LRCH3: variants seen among roughly 807,000 people sequenced by gnomAD.
LRCH3 encodes leucine rich repeats and calponin homology domain containing 3, also known as DISP complex protein LRCH3.
LRCH3 carries 68 observed loss-of-function variants against 104.5 expected under a neutral mutation model. That is an observed-to-expected ratio of 0.65 (90% CI 0.54 to 0.80). The LOEUF is 0.80. Among genes scored for constraint, LRCH3 ranks in the 30% least tolerant of loss-of-function variants. The pLI is 0.00. For synonymous variants in LRCH3, 344 were observed against 361.3 expected (o/e 0.95, Z 0.54); for missense variants, 951 against 953.9 (o/e 1.00, Z 0.04).
intron 1 of LRCH3, among the ~76,000 whole-genome samples, chr3:197,807,510 C>T (rs567984866): frequency 1.3e-5 from 2 of 152,244 alleles, no homozygotes; most frequent in East Asian, 3.9e-4. Context: ...TGTGAGCCAC[C>T]ATGCCCGGCC....
chr3:197,867,632 T>G (rs1219777190), intron 17 of LRCH3, among the ~76,000 whole-genome samples: 1 of 151,616 alleles, frequency 6.6e-6, no homozygotes, highest in Non-Finnish European at 1.5e-5. Flanking sequence ...GGCGGGCAGA[T>G]CACGAGGTCA....
chr3:197,884,690 C>T lies in LRCH3; in HGVS notation c.*1024C>T, dbSNP rs1714063654. On this transcript the variant is annotated 3_prime_UTR_variant, in exon 21 of 21. Transcript: ENST00000425562. ...GTAATGGCCCCCTGCATTTTTCACCCACATTTAAAATCAAAAGCTATATTA... is the reference window on the plus strand; with the variant it reads ...GTAATGGCCCCCTGCATTTTTCACCTACATTTAAAATCAAAAGCTATATTA... The T allele has an allele frequency of 6.6e-6, 1 of 152,230 alleles. No individual in the cohort carries two copies. The highest frequency in any genetic ancestry group is 1.5e-5 in the Non-Finnish European group (1 of 68,044). The allele number at this position is 152,230 out of a possible 1,614,324, so 9.4% of individuals were successfully genotyped here. A position where few individuals can be genotyped will look rare whatever the true frequency, so the allele number is the denominator to read the frequency against.
Position 197,817,286 on chromosome 3 carries a change from G to A in LRCH3, c.518G>A (p.Arg173Lys). 6.5e-7 allele frequency: 1 copy of A among 1,546,260 alleles called. No individual in the cohort carries two copies. The highest frequency in any genetic ancestry group is 1.1e-5 in the South Asian group (1 of 87,170). Residue 173 changes from arginine (R) to lysine (K), a missense_variant, in exon 3 of 21, where the codon AGA (arginine) becomes AAA (lysine). Physicochemically the swap from Arg to Lys is conservative, Grantham distance 26. Coordinates refer to ENST00000425562, the MANE Select transcript of LRCH3 (RefSeq NM_001365715.1). ...VSLPEEIGHL[R>K]HLMELDVSCN... Reference sequence around the variant, plus strand: ...CTTCCAGAAGAAATTGGACACCTTAGACATTTGATGGAACTTGTAAGTTAA... The same window carrying A: ...CTTCCAGAAGAAATTGGACACCTTAAACATTTGATGGAACTTGTAAGTTAA...
chr3:197,875,630 G>T, intron 19 of LRCH3, 68 bp from the exon 20 acceptor site: 2 of 1,207,730 alleles, frequency 1.7e-6, no homozygotes, highest in East Asian at 2.5e-5. Context: ...CTCCAGCCTG[G>T]GTGGCAGTGA....
chr3:197,796,567 AG>A (rs1731231234), intron 1 of LRCH3, among the ~76,000 whole-genome samples: 1 of 152,248 alleles, frequency 6.6e-6, no homozygotes, highest in Non-Finnish European at 1.5e-5. Context: ...TTATAATAGT[AG>A]CTAACATTTA....
chr3:197,887,207 C>CT lies in LRCH3; in HGVS notation c.*3552dup, dbSNP rs967145132. 2.8e-3 allele frequency: 409 copies of CT among 146,954 alleles called. No homozygotes were observed. The highest frequency in any genetic ancestry group is 5.7e-3 in the Admixed American group (84 of 14,700). The allele number at this position is 146,954 out of a possible 1,614,324, so 9.1% of individuals were successfully genotyped here. On this transcript the variant is annotated 3_prime_UTR_variant, in exon 21 of 21. Transcript: ENST00000425562. ...TTTGTATTCAGTATTTTGTATGTAC[C>CT]TTTTTTTTTTTAAATTGGAAAGCAC... is the stretch of plus-strand genomic sequence containing the variant.
rs774492129 is a variant in LRCH3 at position 197,879,521 on chromosome 3, C to T, written c.2208+3746C>T. On this transcript the variant is annotated intron_variant, in intron 20 of 20. Transcript: ENST00000425562. Reference sequence around the variant, plus strand: ...ATTAGCCGGGCGTGGTGGCGGGCGCCTGTAGTCCCAGCTGCTCGGGAGGCT... The same window carrying T: ...ATTAGCCGGGCGTGGTGGCGGGCGCTTGTAGTCCCAGCTGCTCGGGAGGCT... Among the ~76,000 whole-genome samples, 88 of 151,700 alleles carry T rather than the reference C, an allele frequency of 5.8e-4. 3 individuals carry two copies. Among genetic ancestry groups the T allele is most frequent in the Admixed American group, 9.8e-4 (15 of 15,284 alleles).
intron 7 of LRCH3, chr3:197,831,078 C>T (rs576013752): frequency 6.8e-6 from 3 of 438,382 alleles, no homozygotes; most frequent in East Asian, 4.2e-5. Context: ...TCCTCATTGC[C>T]TCATGGAAAT....
intron 8 of LRCH3, among the ~76,000 whole-genome samples, chr3:197,834,984 A>G (rs1415618408): frequency 6.6e-6 from 1 of 152,000 alleles, no homozygotes; most frequent in Non-Finnish European, 1.5e-5. Context: ...TCTCTACTAA[A>G]AATACAAAAG....
intron 15 of LRCH3, among the ~76,000 whole-genome samples, chr3:197,862,221 C>A (rs77737453): frequency 0.033 from 4,997 of 152,266 alleles, 264 homozygotes; most frequent in African/African-American, 0.11. Flanking sequence ...GTTTCAAACT[C>A]CTGACCTCAG....
chr3:197,839,294 T>C, intron 9 of LRCH3, 27 bp from the exon 10 acceptor site: 1 of 1,503,760 alleles, frequency 6.6e-7, no homozygotes, highest in African/African-American at 1.4e-5. Context: ...ATATACTAAA[T>C]TTATTTATTT....
intron 4 of LRCH3, among the ~76,000 whole-genome samples, chr3:197,824,720 C>CATGT: frequency 6.6e-6 from 1 of 151,046 alleles, no homozygotes; most frequent in African/African-American, 2.4e-5. Context: ...TATAGGAGCC[C>CATGT]GCCACCACGC....
intron 19 of LRCH3, among the ~76,000 whole-genome samples, chr3:197,874,325 G>T (rs1712604083): frequency 6.6e-6 from 1 of 152,144 alleles, no homozygotes. Context: ...TAGATCCTCA[G>T]AGGAGCATGA....
chr3:197,809,082 G>C (rs139763692), intron 1 of LRCH3, among the ~76,000 whole-genome samples: 27 of 152,118 alleles, frequency 1.8e-4, no homozygotes, highest in African/African-American at 5.5e-4. Context: ...AGGATCACTT[G>C]AGGTCAGGAG....
chr3:197,814,787 A>G (rs959796462), intron 1 of LRCH3, 121 bp from the exon 2 acceptor site: 9 of 754,190 alleles, frequency 1.2e-5, no homozygotes, highest in Non-Finnish European at 6.1e-6. Flanking sequence ...GATATGCCTT[A>G]GAAGCTGTTT....
chr3:197,845,636 G>A (rs1252860429), intron 10 of LRCH3, among the ~76,000 whole-genome samples: 2 of 152,016 alleles, frequency 1.3e-5, no homozygotes, highest in Non-Finnish European at 2.9e-5. Flanking sequence ...TGGGCATGGT[G>A]GCTCACACCT....
chr3:197,814,752 C>A (rs3736467), intron 1 of LRCH3, among the ~76,000 whole-genome samples, 156 bp from the exon 2 acceptor site: 2 of 152,082 alleles, frequency 1.3e-5, no homozygotes, highest in Non-Finnish European at 2.9e-5. Flanking sequence ...CTGATTGATA[C>A]GATCTTTGAT....
At position 197,862,478 on chromosome 3, in the gene LRCH3, A is replaced by C. The variant is rs183109648; in HGVS notation, c.1717-2945A>C. 1.1e-3 allele frequency among the ~76,000 whole-genome samples: 163 copies of C among 152,324 alleles called. 2 individuals carry two copies. The highest frequency in any genetic ancestry group is 6.8e-3 in the Middle Eastern group (2 of 294). On this transcript the variant is annotated intron_variant, in intron 15 of 20. Transcript: ENST00000425562. ...ATTTCTAGTCTATGTCCTGTTAATA[A>C]GTGTTTTTTAAATTTCTAGTCTATG...
At chr3:197,882,312 A>G in intron 20 of LRCH3, 2 of 985,468 alleles carry the variant, frequency 2.0e-6, no homozygotes, top group Non-Finnish European at 2.4e-6. Context: ...AGTATCATTT[A>G]TCTAGACTTG....
Sources: allele counts gnomAD v4.1 joint callset (sites outside exome capture counted in the v4.1 genomes callset), GRCh38; gene constraint gnomAD v4.1.1; transcripts MANE v1.5; gene names NCBI Gene and HGNC (gene_info 2026-07-23, HGNC 2026-07-21).